COG3: variants seen among roughly 807,000 people sequenced by gnomAD.
COG3 encodes conserved oligomeric Golgi complex subunit 3.
In COG3, 32 loss-of-function variants were observed where a neutral mutation model predicts 114.1. The observed-to-expected ratio is 0.28, with a 90% CI of 0.21 to 0.38. COG3 has a LOEUF of 0.38. Ranked by LOEUF, COG3 falls within the 10% of genes least tolerant of loss-of-function variation. COG3 has a pLI of 1.00. For synonymous variants in COG3, 352 were observed against 365.7 expected (o/e 0.96, Z 0.43); for missense variants, 813 against 973.2 (o/e 0.84, Z 2.19).
At chr13:45,509,610 C>T in intron 14 of COG3, 82 bp from the exon 15 acceptor site, 2 of 1,543,128 alleles carry the variant, frequency 1.3e-6, no homozygotes, top group East Asian at 4.6e-5. Context: ...TGAGAATAAG[C>T]AGTTTATAGT....
At chr13:45,524,120 A>G (rs144401374) in intron 19 of COG3, among the ~76,000 whole-genome samples, 2 of 152,302 alleles carry the variant, frequency 1.3e-5, no homozygotes, top group East Asian at 1.9e-4. Flanking sequence ...TCTGCCCATT[A>G]TACCCTGTGT....
chr13:45,494,794 G>A (rs1170635300), intron 12 of COG3, among the ~76,000 whole-genome samples: 1 of 151,974 alleles, frequency 6.6e-6, no homozygotes, highest in African/African-American at 2.4e-5. Context: ...CCAAAGTGCT[G>A]GGATTACAGG....
At position 45,493,332 on chromosome 13, in the gene COG3, ATTC is replaced by A. The variant is rs770231220; in HGVS notation, c.1188-12_1188-10del. 22 of 1,597,968 alleles carry A rather than the reference ATTC, an allele frequency of 1.4e-5. No individual in the cohort carries two copies. The Admixed American group carries it at 2.3e-4, about 16-fold the overall frequency. Reference sequence around the variant, plus strand: ...AAAACTACTACTAATAGACATTTTTATTCTTTCATTTTAGTGAGCTTTTGGAGA... The same window carrying A: ...AAAACTACTACTAATAGACATTTTTATTTCATTTTAGTGAGCTTTTGGAGA... On this transcript the variant is annotated splice_polypyrimidine_tract_variant and intron_variant, in intron 11 of 22. Transcript: ENST00000349995.
At chr13:45,533,455 C>T (rs1281135626) in intron 22 of COG3, among the ~76,000 whole-genome samples, 1 of 152,010 alleles carries the variant, frequency 6.6e-6, no homozygotes, top group Non-Finnish European at 1.5e-5. Flanking sequence ...TCCCTGAAGC[C>T]CCGCTTTTAA....
At chr13:45,531,383 T>G (rs1478652907) in intron 22 of COG3, 4 of 152,250 alleles carry the variant, frequency 2.6e-5, no homozygotes, top group African/African-American at 9.7e-5. Flanking sequence ...AGTTTAGAAA[T>G]TTAGTATATG....
In COG3 at chr13:45,491,458, C is replaced by T. The variant is rs762186222; in HGVS notation, c.1015C>T (p.Arg339Trp). Residue 339 changes from arginine (R) to tryptophan (W), a missense_variant, in exon 10 of 23, where the codon CGG becomes TGG. Arg to Trp is a moderately radical substitution (Grantham distance 101). This residue lies in a region of COG3 where 424 missense variants were observed against 430.6 expected (regional missense o/e 0.98). Coordinates refer to ENST00000349995, the MANE Select transcript of COG3 (RefSeq NM_031431.4). Reference sequence around the variant, plus strand: ...TATCCACCAGTGTTACCTTGATCAGCGGGAGCTCCTTTTGGGCCCTAGTAT... The same window carrying T: ...TATCCACCAGTGTTACCTTGATCAGTGGGAGCTCCTTTTGGGCCCTAGTAT... ...NDIHQCYLDQRELLLGPSIAC... is the reference protein window; with the variant it reads ...NDIHQCYLDQWELLLGPSIAC... The T allele has an allele frequency of 1.9e-6, 3 of 1,613,532 alleles. No homozygotes were observed. The highest frequency in any genetic ancestry group is 1.1e-5 in the South Asian group (1 of 91,030).
chr13:45,486,568 A>C lies in COG3; in HGVS notation c.917A>C (p.Lys306Thr). The change falls in exon 8 of 23, where the codon AAA becomes ACA. Residue 306 changes from lysine to threonine, a missense_variant. Transcript: ENST00000349995. ...GTGAAATTTCGAGCTGCTGCCCCCAAAGTCAGAGTAAGTCTATTGACATAA... is the reference window on the plus strand; with the variant it reads ...GTGAAATTTCGAGCTGCTGCCCCCACAGTCAGAGTAAGTCTATTGACATAA... ...FYVKFRAAAP[K>T]VRTLIEQIEL... 1 of 1,582,690 alleles carries C rather than the reference A, an allele frequency of 6.3e-7. No homozygotes were observed. Among genetic ancestry groups the C allele is most frequent in the Non-Finnish European group, 8.7e-7 (1 of 1,151,528 alleles).
At chr13:45,513,553 A>G (rs1309449218) in intron 16 of COG3, among the ~76,000 whole-genome samples, 1 of 142,720 alleles carries the variant, frequency 7.0e-6, no homozygotes, top group Non-Finnish European at 1.5e-5. Flanking sequence ...CATATAAATT[A>G]TATATATAAA....
intron 8 of COG3, among the ~76,000 whole-genome samples, chr13:45,488,325 T>A (rs1387099581): frequency 6.6e-6 from 1 of 152,136 alleles, no homozygotes; most frequent in Non-Finnish European, 1.5e-5. Context: ...GTAGGATGAC[T>A]GTAGTTAACA....
rs1383288043 is a variant in COG3 at position 45,486,857 on chromosome 13, C to A, written c.924+282C>A. Among the ~76,000 whole-genome samples, 9 of 151,932 alleles carry A rather than the reference C, an allele frequency of 5.9e-5. No individual in the cohort carries two copies. The East Asian group carries it at 1.5e-3, about 26-fold the overall frequency. On this transcript the variant is annotated intron_variant, in intron 8 of 22. Transcript: ENST00000349995. ...AGCTTGGCTGGTGGTCTTGAAGGGA[C>A]CAATAAGGTGTTTTGATAAAGAGAG...
chr13:45,503,284 C>T lies in COG3; in HGVS notation c.1529C>T (p.Pro510Leu). The T allele has an allele frequency of 6.2e-7, 1 of 1,606,596 alleles. No homozygotes were observed. The highest frequency in any genetic ancestry group is 1.7e-4 in the Middle Eastern group (1 of 5,850). The change falls in exon 14 of 23, where the codon CCT becomes CTT. Residue 510 changes from proline (P) to leucine (L), a missense_variant. Physicochemically the swap from Pro to Leu is moderately conservative, Grantham distance 98. Transcript: ENST00000349995. ...QSLKDEQKKV[P>L]SEASFSDVHL... ...TTGAAAGATGAACAGAAGAAGGTAC[C>T]TTCAGAAGCTTCATTTTCAGATGTT...
intron 19 of COG3, 76 bp from the exon 20 acceptor site, chr13:45,524,900 C>A: frequency 1.9e-6 from 2 of 1,064,134 alleles, no homozygotes; most frequent in Non-Finnish European, 1.4e-6. Context: ...GAGAGCAGTA[C>A]CACCCTTGAG....
chr13:45,501,947 T>C lies in COG3; in HGVS notation c.1489-1297T>C, dbSNP rs1170902692. On this transcript the variant is annotated intron_variant, in intron 13 of 22. Coordinates refer to ENST00000349995, the MANE Select transcript of COG3 (RefSeq NM_031431.4). ...AAACTTACTGCATTTTGGCTAGTTA[T>C]ATTAATTATTTATATGTTGTTACTT... Among the ~76,000 whole-genome samples the C allele has an allele frequency of 2.0e-5, 3 of 152,246 alleles. No homozygotes were observed. In the East Asian group the frequency reaches 5.8e-4, roughly 29 times the overall value.
chr13:45,513,245 ATACATATAATATATACATATAAAT>A (rs1348249055), intron 16 of COG3, among the ~76,000 whole-genome samples: 7 of 61,808 alleles, frequency 1.1e-4, no homozygotes, highest in African/African-American at 4.1e-4. Flanking sequence ...CATATAAATT[ATACATATAATATATACATATAAAT>A]TATATATAAT....
At chr13:45,481,188 T>A (rs776936671) in intron 4 of COG3, 42 bp from the exon 5 acceptor site, 1 of 1,093,276 alleles carries the variant, frequency 9.1e-7, no homozygotes, top group Non-Finnish European at 1.4e-6. Flanking sequence ...TTGATTCTTA[T>A]ATTCTTATAA....
Position 45,536,191 on chromosome 13 carries a change from TTAAC to T in COG3, c.*1462_*1465del, listed in dbSNP as rs1202032208. 1.3e-5 allele frequency: 2 copies of T among 152,266 alleles called. No homozygotes were observed. Among genetic ancestry groups the T allele is most frequent in the African/African-American group, 2.4e-5 (1 of 41,464 alleles). The allele number at this position is 152,266 out of a possible 1,614,324, so 9.4% of individuals were successfully genotyped here. On this transcript the variant is annotated 3_prime_UTR_variant, in exon 23 of 23. Transcript: ENST00000349995. Reference sequence around the variant, plus strand: ...AATGAATTAGGAAGATTGTATTTACTTAACTGTTTTTTAAATACATGTTTAATGA... The same window carrying T: ...AATGAATTAGGAAGATTGTATTTACTTGTTTTTTAAATACATGTTTAATGA...
At chr13:45,528,554 AC>A (rs1872893128) in intron 20 of COG3, among the ~76,000 whole-genome samples, 1 of 152,190 alleles carries the variant, frequency 6.6e-6, no homozygotes, top group Non-Finnish European at 1.5e-5. Context: ...TATATTTTCT[AC>A]CTCCAAACTA....
intron 20 of COG3, among the ~76,000 whole-genome samples, chr13:45,528,019 G>A (rs1361286115): frequency 1.3e-5 from 2 of 152,050 alleles, no homozygotes; most frequent in Non-Finnish European, 2.9e-5. Flanking sequence ...TACATTTAAT[G>A]AAACAGATTA....
intron 20 of COG3, among the ~76,000 whole-genome samples, chr13:45,529,224 C>T (rs1168158724): frequency 1.3e-5 from 2 of 152,156 alleles, no homozygotes; most frequent in Non-Finnish European, 1.5e-5. Context: ...CTCTCCTTTT[C>T]TATGTAACTC....
Sources: allele counts gnomAD v4.1 joint callset (sites outside exome capture counted in the v4.1 genomes callset), GRCh38; gene constraint gnomAD v4.1.1; regional missense constraint gnomAD v4.1.1; transcripts MANE v1.5; gene names NCBI Gene and HGNC (gene_info 2026-07-23, HGNC 2026-07-21).